The following CSMD1 variants were observed in gnomAD, a reference collection of about 807,000 sequenced individuals.
The protein encoded by CSMD1 is CUB and Sushi multiple domains 1.
CSMD1 carries 213 observed loss-of-function variants against 417.5 expected under a neutral mutation model. The ratio of observed to expected loss-of-function variants is 0.51; its 90% CI spans 0.46 to 0.57. The LOEUF (loss-of-function observed/expected upper bound fraction) is 0.57. Ranked by LOEUF, CSMD1 falls within the 20% of genes least tolerant of loss-of-function variation. The pLI, the probability that CSMD1 is intolerant of heterozygous loss-of-function variation, is 0.00. For missense variants in CSMD1, 6,923 were observed against 4,529.7 expected, an observed-to-expected ratio of 1.53 and a Z score of -15.17; for synonymous variants, 2,862 against 1,736.8, an observed-to-expected ratio of 1.65 and a Z score of -16.11.
At chr8:4,267,560 T>G (rs1227231761) in intron 3 of CSMD1, among the ~76,000 whole-genome samples, 3 of 151,912 alleles carry the variant, frequency 2.0e-5, no homozygotes, top group Non-Finnish European at 4.4e-5. Context: ...GAAATAGCAA[T>G]GGTCACTGAC....
In CSMD1 at chr8:4,248,133, G is replaced by C. The variant is rs1022163819; in HGVS notation, c.415+171820C>G. On this transcript the variant is annotated intron_variant, in intron 3 of 69. Coordinates refer to ENST00000635120, the MANE Select transcript of CSMD1 (RefSeq NM_033225.6). The stretch of plus-strand genomic sequence containing the variant: ...CCAGTTTATTTTTTTTAAACAAATG[G>C]GCTATTTTGTAATTAGAAGAAAAAA... 4.2e-4 allele frequency among the ~76,000 whole-genome samples: 64 copies of C among 151,796 alleles called. 1 individual carries two copies. The highest frequency in any genetic ancestry group is 4.4e-5 in the Non-Finnish European group (3 of 67,944).
At chr8:4,749,740 T>G (rs1039768463) in intron 1 of CSMD1, among the ~76,000 whole-genome samples, 6 of 152,196 alleles carry the variant, frequency 3.9e-5, no homozygotes, top group Non-Finnish European at 5.9e-5. Context: ...ATTACATATT[T>G]CATAAATAAT....
chr8:3,809,752 T>G (rs182448740), intron 5 of CSMD1, among the ~76,000 whole-genome samples: 35 of 151,842 alleles, frequency 2.3e-4, no homozygotes, highest in Non-Finnish European at 4.6e-4. Context: ...AAGAGGGGAG[T>G]TGAGACAACA....
chr8:4,371,984 T>A (rs1802425380), intron 3 of CSMD1, among the ~76,000 whole-genome samples: 1 of 152,226 alleles, frequency 6.6e-6, no homozygotes, highest in Admixed American at 6.5e-5. Context: ...ATGGAAATGT[T>A]ATGACTGAAG....
At chr8:4,715,138 C>G (rs368804424) in intron 1 of CSMD1, among the ~76,000 whole-genome samples, 3 of 152,110 alleles carry the variant, frequency 2.0e-5, no homozygotes, top group African/African-American at 7.2e-5. Flanking sequence ...GTAAGATTAA[C>G]GTAACTATAA....
chr8:3,180,259 T>C (rs1174408985), intron 37 of CSMD1, among the ~76,000 whole-genome samples: 3 of 152,208 alleles, frequency 2.0e-5, no homozygotes, highest in Non-Finnish European at 2.9e-5. Flanking sequence ...ATCAGACTAT[T>C]AACTCTGTCT....
intron 3 of CSMD1, among the ~76,000 whole-genome samples, chr8:4,075,634 C>T (rs991118533): frequency 2.6e-5 from 4 of 152,124 alleles, no homozygotes; most frequent in Non-Finnish European, 4.4e-5. Flanking sequence ...GTATAACTCA[C>T]ACTGTGTTGG....
At chr8:3,327,319 G>A (rs34558949) in intron 23 of CSMD1, among the ~76,000 whole-genome samples, 1 of 152,012 alleles carries the variant, frequency 6.6e-6, no homozygotes, top group Non-Finnish European at 1.5e-5. Context: ...ATTTTTTGTA[G>A]AGATGGGGTT....
chr8:4,292,170 G>C (rs1487151886), intron 3 of CSMD1, among the ~76,000 whole-genome samples: 2 of 152,148 alleles, frequency 1.3e-5, no homozygotes, highest in African/African-American at 4.8e-5. Flanking sequence ...CCCGGTCATA[G>C]ATTTCAGAAG....
At chr8:3,534,169 A>G (rs1049205902) in intron 10 of CSMD1, among the ~76,000 whole-genome samples, 5 of 152,262 alleles carry the variant, frequency 3.3e-5, no homozygotes, top group African/African-American at 9.6e-5. Context: ...AAGTAATTCC[A>G]TCTCTTGGTG....
chr8:4,200,547 T>C (rs183710071), intron 3 of CSMD1, among the ~76,000 whole-genome samples: 1 of 152,114 alleles, frequency 6.6e-6, no homozygotes, highest in East Asian at 1.9e-4. Context: ...AAATGCCTGC[T>C]GTGCTATCCT....
Position 4,138,967 on chromosome 8 carries a change from T to G in CSMD1, c.416-106868A>C, listed in dbSNP as rs372499886. Among the ~76,000 whole-genome samples, 16 of 152,316 alleles carry G rather than the reference T, an allele frequency of 1.1e-4. No homozygotes were observed. The South Asian group carries it at 2.1e-3, about 20-fold the overall frequency. On this transcript the variant is annotated intron_variant, in intron 3 of 69. Coordinates refer to ENST00000635120, the MANE Select transcript of CSMD1 (RefSeq NM_033225.6). ...AACAAACATTGTCGAACACTCGCCA[T>G]GCATCTTTCCTGAGCTGTGGGTTGA...
intron 26 of CSMD1, among the ~76,000 whole-genome samples, chr8:3,244,479 G>A (rs1262031746): frequency 6.6e-6 from 1 of 152,134 alleles, no homozygotes; most frequent in Admixed American, 6.5e-5. Flanking sequence ...AGTCTTTCCA[G>A]GAAGAAAGGA....
At chr8:3,508,289 C>T (rs1034966756) in intron 10 of CSMD1, among the ~76,000 whole-genome samples, 1 of 151,472 alleles carries the variant, frequency 6.6e-6, no homozygotes, top group East Asian at 2.0e-4. Flanking sequence ...TCACCTGCGC[C>T]CCCTCCCCCA....
chr8:3,297,163 G>C (rs938703204), intron 25 of CSMD1, among the ~76,000 whole-genome samples: 1 of 152,062 alleles, frequency 6.6e-6, no homozygotes, highest in Non-Finnish European at 1.5e-5. Flanking sequence ...ACATCATTGA[G>C]ACAAATCATA....
chr8:4,844,893 T>C (rs147557981), intron 1 of CSMD1, among the ~76,000 whole-genome samples: 358 of 152,254 alleles, frequency 2.4e-3, no homozygotes, highest in Non-Finnish European at 4.1e-3. Context: ...ACCCCCACAG[T>C]ATACAAGAGT....
intron 1 of CSMD1, among the ~76,000 whole-genome samples, chr8:4,677,860 T>C (rs1805792643): frequency 6.6e-6 from 1 of 152,148 alleles, no homozygotes; most frequent in Admixed American, 6.5e-5. Flanking sequence ...AGAATGTCTT[T>C]AAAATGAAGT....
At chr8:4,911,906 C>A (rs1805700679) in intron 1 of CSMD1, among the ~76,000 whole-genome samples, 1 of 151,912 alleles carries the variant, frequency 6.6e-6, no homozygotes, top group African/African-American at 2.4e-5. Context: ...AATTACTAGA[C>A]AGGTATTTTG....
intron 7 of CSMD1, among the ~76,000 whole-genome samples, chr8:3,692,932 G>A (rs953262320): frequency 1.3e-5 from 2 of 151,838 alleles, no homozygotes; most frequent in Non-Finnish European, 2.9e-5. Context: ...AAATAGAAGG[G>A]TAAAAAAAAG....
Sources: gnomAD v4.1 joint callset for allele counts (sites outside exome capture counted in the v4.1 genomes callset) on GRCh38, gnomAD v4.1.1 for gene constraint, MANE v1.5 for transcripts, NCBI Gene and HGNC (gene_info 2026-07-23, HGNC 2026-07-21) for gene names.